The following AMACR variants were observed in gnomAD, a reference collection of about 807,000 sequenced individuals.
The protein encoded by AMACR is 2-methylacyl-CoA racemase.
Under a neutral mutation model 22.2 loss-of-function variants are expected in AMACR, and 18 were observed. The observed-to-expected ratio is 0.81, with a 90% CI of 0.56 to 1.20. The LOEUF (loss-of-function observed/expected upper bound fraction) is 1.20. Ranked by LOEUF, AMACR falls within the 50% of genes most tolerant of loss-of-function variation. The pLI is 0.00. For synonymous variants in AMACR, 213 were observed against 191.3 expected, an observed-to-expected ratio of 1.11 and a Z score of -0.94; for missense variants, 499 against 490.6, an observed-to-expected ratio of 1.02 and a Z score of -0.16.
chr5:34,004,038 T>C (rs190417165), intron 3 of AMACR, among the ~76,000 whole-genome samples: 2 of 152,338 alleles, frequency 1.3e-5, no homozygotes, highest in East Asian at 3.9e-4. Flanking sequence ...CAGCAGAACA[T>C]GAGGCAAGCA....
chr5:33,998,887 T>G (rs959446259), intron 3 of AMACR, 60 bp from the exon 4 acceptor site: 18 of 1,530,680 alleles, frequency 1.2e-5, no homozygotes, highest in Non-Finnish European at 1.4e-5. Context: ...GCATGAATAA[T>G]TCCTCCCATT....
At position 34,007,972 on chromosome 5, in the gene AMACR, C is replaced by T. The variant is rs144271819; in HGVS notation, c.48G>A (p.Pro16=). Residue 16 remains proline (P), a synonymous_variant, in exon 1 of 5, where the codon CCG becomes CCA. Transcript: ENST00000335606. ...CCAGGACCATAGCACAGAACGGGCC[C>T]GGGGCCAGGCCGGACAGCTCCACGA... ...ISVVELSGLA[P]GPFCAMVLAD... 20 of 1,611,362 alleles carry T rather than the reference C, an allele frequency of 1.2e-5. No individual in the cohort carries two copies. The highest frequency in any genetic ancestry group is 1.6e-4 in the Middle Eastern group (1 of 6,080).
chr5:34,006,561 T>C (rs543322710), intron 1 of AMACR, among the ~76,000 whole-genome samples: 1 of 152,286 alleles, frequency 6.6e-6, no homozygotes, highest in East Asian at 1.9e-4. Flanking sequence ...ACAGAAAACC[T>C]CTAGTCATCT....
At chr5:33,992,329 G>T (rs1288009881) in intron 4 of AMACR, among the ~76,000 whole-genome samples, 4 of 151,496 alleles carry the variant, frequency 2.6e-5, no homozygotes, top group African/African-American at 9.7e-5. Context: ...GTACAGACAA[G>T]AAAGAATGTC....
chr5:34,007,695 G>C, intron 1 of AMACR, 78 bp downstream of exon 1: 1 of 1,460,596 alleles, frequency 6.8e-7, no homozygotes, highest in Admixed American at 2.4e-5. Flanking sequence ...GGTGTGGCGG[G>C]TGCAGCCTCG....
At chr5:33,997,840 T>G (rs567155790) in intron 4 of AMACR, 1 of 339,322 alleles carries the variant, frequency 2.9e-6, no homozygotes, top group East Asian at 4.9e-5. Flanking sequence ...ATCAAAAATT[T>G]GGAAAATTTA....
chr5:33,997,768 T>C (rs1753689095), intron 4 of AMACR: 1 of 512,202 alleles, frequency 2.0e-6, no homozygotes, highest in Non-Finnish European at 3.4e-6. Flanking sequence ...GAAGTTAATA[T>C]GTTTAATCAT....
chr5:33,996,931 G>A (rs1032463984), intron 4 of AMACR: 2 of 498,578 alleles, frequency 4.0e-6, no homozygotes, highest in African/African-American at 1.9e-5. Context: ...ACAATAACAA[G>A]CCCAGGACTG....
At chr5:34,000,529 ACT>A (rs1189152599) in intron 3 of AMACR, among the ~76,000 whole-genome samples, 1 of 150,988 alleles carries the variant, frequency 6.6e-6, no homozygotes, top group African/African-American at 2.4e-5. Context: ...ATGGAGTGTC[ACT>A]CTGTTGCCCA....
chr5:33,986,984 A>G lies in AMACR; in HGVS notation c.*2109T>C, dbSNP rs1753311086. 1 of 152,072 alleles carries G rather than the reference A, an allele frequency of 6.6e-6. No homozygotes were observed. The allele number at this position is 152,072 out of a possible 1,614,324, so 9.4% of individuals were successfully genotyped here. On this transcript the variant is annotated 3_prime_UTR_variant, in exon 5 of 5. Coordinates refer to ENST00000335606, the MANE Select transcript of AMACR (RefSeq NM_014324.6). ...GGACCGAGTTCAAATGAAAAGTCTGAGTTGTAGGGAAAACATCTTTTTTAT... is the reference window on the plus strand; with the variant it reads ...GGACCGAGTTCAAATGAAAAGTCTGGGTTGTAGGGAAAACATCTTTTTTAT...
At position 33,988,505 on chromosome 5, in the gene AMACR, A is replaced by T; in HGVS notation, c.*588T>A. ...ACGTAGTGAGCCAACACATTTCCTC[A>T]TTATTTTGGATATGTTTTTTTCAGT... On this transcript the variant is annotated 3_prime_UTR_variant, in exon 5 of 5. Transcript: ENST00000335606. The T allele has an allele frequency of 7.1e-7, 1 of 1,407,714 alleles. No individual in the cohort carries two copies. Among genetic ancestry groups the T allele is most frequent in the Non-Finnish European group, 9.2e-7 (1 of 1,084,514 alleles). 87.2% of individuals were successfully genotyped at this position (1,407,714 alleles called of 1,614,324 possible). A position where few individuals can be genotyped will look rare whatever the true frequency, so the allele number is the denominator to read the frequency against.
chr5:34,007,773 C>G lies in AMACR; in HGVS notation c.247G>C (p.Gly83Arg). 6.4e-7 allele frequency: 1 copy of G among 1,551,740 alleles called. No homozygotes were observed. The highest frequency in any genetic ancestry group is 8.7e-7 in the Non-Finnish European group (1 of 1,154,980). Residue 83 changes from glycine to arginine, a missense_variant and splice_region_variant, in exon 1 of 5, where the codon GGT becomes CGT. Gly to Arg is a moderately radical substitution (Grantham distance 125). Transcript: ENST00000335606. The part of the protein sequence containing the change: ...SDVLLEPFRR[G>R]VMEKLQLGPE... ...AGCAGCCCGCGGGGCCCGGGCTCACCGCGGCGGAAGGGCTCCAGCAGCACA... is the reference window on the plus strand; with the variant it reads ...AGCAGCCCGCGGGGCCCGGGCTCACGGCGGCGGAAGGGCTCCAGCAGCACA...
At position 33,987,236 on chromosome 5, in the gene AMACR, G is replaced by A. The variant is rs1753319593; in HGVS notation, c.*1857C>T. 6.6e-6 allele frequency: 1 copy of A among 152,546 alleles called. No individual in the cohort carries two copies. The highest frequency in any genetic ancestry group is 6.6e-5 in the Admixed American group (1 of 15,264). 9.4% of individuals were successfully genotyped at this position (152,546 alleles called of 1,614,324 possible). A position where few individuals can be genotyped will look rare whatever the true frequency, so the allele number is the denominator to read the frequency against. On this transcript the variant is annotated 3_prime_UTR_variant, in exon 5 of 5. Coordinates refer to ENST00000335606, the MANE Select transcript of AMACR (RefSeq NM_014324.6). Reference sequence around the variant, plus strand: ...AGGTCCAGCCAAGTTCCCCAGGCTGGTCTCGAACTCTTGGCCTCAAGTGAT... The same window carrying A: ...AGGTCCAGCCAAGTTCCCCAGGCTGATCTCGAACTCTTGGCCTCAAGTGAT...
intron 4 of AMACR, chr5:33,994,038 G>T (rs751978867): frequency 4.4e-6 from 2 of 455,672 alleles, no homozygotes; most frequent in South Asian, 3.1e-5. Flanking sequence ...TAGCAGGGAC[G>T]CAGCAGAGTA....
In AMACR at chr5:33,989,249, C is replaced by T. The variant is rs760727161; in HGVS notation, c.993G>A (p.Leu331=). The change falls in exon 5 of 5, where the codon CTG becomes CTA. Residue 331 remains leucine (L), a synonymous_variant. Transcript: ENST00000335606. ...AAGAAGGGATGGCTGGGGTGTTTAA[C>T]AGCAGAGGTGCAGGGCGGGGGCTCA... ...QDVSPRPAPL[L]LNTPAIPSFK... is the part of the protein sequence containing the mutation. 2 of 1,614,118 alleles carry T rather than the reference C, an allele frequency of 1.2e-6. No homozygotes were observed. Among genetic ancestry groups the T allele is most frequent in the Admixed American group, 1.7e-5 (1 of 60,020 alleles).
At chr5:34,007,092 GAAAT>G (rs1441062717) in intron 1 of AMACR, among the ~76,000 whole-genome samples, 1 of 152,230 alleles carries the variant, frequency 6.6e-6, no homozygotes, top group Non-Finnish European at 1.5e-5. Context: ...GGCATTCACT[GAAAT>G]AAATAATACA....
chr5:33,990,540 A>G (rs987849749), intron 4 of AMACR, among the ~76,000 whole-genome samples: 17 of 108,360 alleles, frequency 1.6e-4, no homozygotes, highest in Non-Finnish European at 2.6e-4. Context: ...GCTGCTTTAC[A>G]ATAGTTGGTG....
rs1753371059 is a variant in AMACR at position 33,988,560 on chromosome 5, AC to A, written c.*532del. 8.8e-6 allele frequency: 12 copies of A among 1,364,330 alleles called. No individual in the cohort carries two copies. Among genetic ancestry groups the A allele is most frequent in the Non-Finnish European group, 1.1e-5 (12 of 1,061,668 alleles). The allele number at this position is 1,364,330 out of a possible 1,614,324, so 84.5% of individuals were successfully genotyped here. A position where few individuals can be genotyped will look rare whatever the true frequency, so the allele number is the denominator to read the frequency against. On this transcript the variant is annotated 3_prime_UTR_variant, in exon 5 of 5. Coordinates refer to ENST00000335606, the MANE Select transcript of AMACR (RefSeq NM_014324.6). ...GGCATTCTGATTCAATACAGGTGAA[AC>A]TTTTCTTTGCAAATTACAAAGTGTG... is the stretch of plus-strand genomic sequence containing the variant.
At chr5:34,003,745 A>G (rs1753887801) in intron 3 of AMACR, among the ~76,000 whole-genome samples, 1 of 152,000 alleles carries the variant, frequency 6.6e-6, no homozygotes, top group Non-Finnish European at 1.5e-5. Flanking sequence ...ATGCAAACCA[A>G]CTCTACCATT....
Sources: gnomAD v4.1 joint callset for allele counts (sites outside exome capture counted in the v4.1 genomes callset) on GRCh38, gnomAD v4.1.1 for gene constraint, MANE v1.5 for transcripts, NCBI Gene and HGNC (gene_info 2026-07-23, HGNC 2026-07-21) for gene names.